GCFC2: variants seen among roughly 807,000 people sequenced by gnomAD.
GCFC2 encodes the protein GC-rich sequence DNA-binding factor 2.
In GCFC2, 102 loss-of-function variants were observed where a neutral mutation model predicts 99.4. That is an observed-to-expected ratio of 1.03 (90% CI 0.87 to 1.21). The LOEUF is 1.21. Among genes scored for constraint, GCFC2 ranks in the 50% most tolerant of loss-of-function variants. GCFC2 has a pLI of 0.00. For missense variants in GCFC2, 973 were observed against 920.9 expected, an observed-to-expected ratio of 1.06 and a Z score of -0.73; for synonymous variants, 338 against 316.8, an observed-to-expected ratio of 1.07 and a Z score of -0.71.
At chr2:75,692,197 G>A (rs1464730791) in intron 6 of GCFC2, 97 bp from the exon 7 acceptor site, 3 of 333,710 alleles carry the variant, frequency 9.0e-6, no homozygotes, top group Admixed American at 4.9e-5. Flanking sequence ...AGATACATAA[G>A]CATATTTATA....
In GCFC2 at chr2:75,678,018, G is replaced by A. The variant is rs116101191; in HGVS notation, c.1812+2175C>T. Among the ~76,000 whole-genome samples, 583 of 151,412 alleles carry A rather than the reference G, an allele frequency of 3.9e-3. 6 individuals are homozygous for A. The highest frequency in any genetic ancestry group is 0.029 in the South Asian group (137 of 4,772). Reference sequence around the variant, plus strand: ...ACTTCATGAGTGAATCCATAATACTGCTGAAGGGCTTCAGTGATCACAAAG... The same window carrying A: ...ACTTCATGAGTGAATCCATAATACTACTGAAGGGCTTCAGTGATCACAAAG... On this transcript the variant is annotated intron_variant, in intron 12 of 16. Transcript: ENST00000321027.
intron 12 of GCFC2, among the ~76,000 whole-genome samples, chr2:75,674,787 T>C (rs969389347): frequency 6.6e-6 from 1 of 152,348 alleles, no homozygotes; most frequent in East Asian, 1.9e-4. Flanking sequence ...TTAAAAAGCA[T>C]GACCTGAAGT....
intron 10 of GCFC2, 96 bp downstream of exon 10, chr2:75,688,930 C>T (rs1443589009): frequency 4.3e-6 from 3 of 690,496 alleles, no homozygotes; most frequent in Non-Finnish European, 7.5e-6. Context: ...TCAGCTCCGA[C>T]TCTAAGGGTA....
At chr2:75,667,295 A>G (rs1183621079) in intron 15 of GCFC2, among the ~76,000 whole-genome samples, 2 of 152,180 alleles carry the variant, frequency 1.3e-5, no homozygotes, top group Non-Finnish European at 2.9e-5. Flanking sequence ...GCCTGTCACA[A>G]TATCACACTA....
intron 11 of GCFC2, among the ~76,000 whole-genome samples, chr2:75,683,771 C>CAAAAAAAAAAAAAAAA (rs749580096): frequency 8.0e-3 from 481 of 59,960 alleles, no homozygotes; most frequent in East Asian, 0.013. Flanking sequence ...AAATGGAAAG[C>CAAAAAAAAAAAAAAAA]AAAAAAAAAA....
chr2:75,686,114 T>G (rs1573063346), intron 11 of GCFC2, among the ~76,000 whole-genome samples: 1 of 152,204 alleles, frequency 6.6e-6, no homozygotes, highest in East Asian at 1.9e-4. Context: ...CATTAGTATT[T>G]AGATTTTTTC....
intron 2 of GCFC2, among the ~76,000 whole-genome samples, chr2:75,705,530 T>G (rs1407327070): frequency 8.7e-6 from 1 of 114,668 alleles, no homozygotes; most frequent in Non-Finnish European, 2.0e-5. Flanking sequence ...GGCAGGAGAA[T>G]GACGTGAACC....
intron 2 of GCFC2, among the ~76,000 whole-genome samples, chr2:75,706,184 T>C (rs547735492): frequency 2.0e-5 from 3 of 152,348 alleles, no homozygotes; most frequent in East Asian, 3.9e-4. Context: ...ATACCTTCCC[T>C]AGAGTTTCAG....
chr2:75,711,957 C>T (rs958511335), upstream of GCFC2, among the ~76,000 whole-genome samples: 6 of 152,254 alleles, frequency 3.9e-5, no homozygotes, highest in African/African-American at 1.4e-4. Context: ...CTGAGGAGTA[C>T]GAGCGCACGG....
At chr2:75,672,083 T>A in intron 13 of GCFC2, 67 bp from the exon 14 acceptor site, 1 of 785,830 alleles carries the variant, frequency 1.3e-6, no homozygotes, top group Admixed American at 1.9e-5. Flanking sequence ...AACCAGAGTT[T>A]AAGATCAGAC....
Position 75,663,066 on chromosome 2 carries a change from A to G in GCFC2, c.*1600T>C, listed in dbSNP as rs539101576. On this transcript the variant is annotated 3_prime_UTR_variant, in exon 17 of 17. Transcript: ENST00000321027. The stretch of plus-strand genomic sequence containing the variant: ...TAACTGCTTTTCAACAATAGTTTGC[A>G]TTTTCTAGATGAGATTCTATCCTTG... The G allele has an allele frequency of 3.2e-4, 48 of 152,306 alleles. No homozygotes were observed. Among genetic ancestry groups the G allele is most frequent in the Middle Eastern group, 3.4e-3 (1 of 294 alleles). The allele number at this position is 152,306 out of a possible 1,614,324, so 9.4% of individuals were successfully genotyped here. A position where few individuals can be genotyped will look rare whatever the true frequency, so the allele number is the denominator to read the frequency against.
At chr2:75,676,714 T>C (rs906787754) in intron 12 of GCFC2, among the ~76,000 whole-genome samples, 3 of 152,238 alleles carry the variant, frequency 2.0e-5, no homozygotes, top group African/African-American at 7.2e-5. Context: ...GTCTTACTTA[T>C]GCTGCTTCAA....
chr2:75,674,048 T>C lies in GCFC2; in HGVS notation c.1813-528A>G, dbSNP rs1271497623. Reference sequence around the variant, plus strand: ...TTAATGTTTGCAATTATAGTGGGTATGCAGTCATATTTCATTTTGTTGTTT... The same window carrying C: ...TTAATGTTTGCAATTATAGTGGGTACGCAGTCATATTTCATTTTGTTGTTT... On this transcript the variant is annotated intron_variant, in intron 12 of 16. Coordinates refer to ENST00000321027, the MANE Select transcript of GCFC2 (RefSeq NM_003203.5). Among the ~76,000 whole-genome samples, 5 of 152,220 alleles carry C rather than the reference T, an allele frequency of 3.3e-5. No homozygotes were observed. The East Asian group carries it at 7.7e-4, about 23-fold the overall frequency.
At position 75,694,433 on chromosome 2, in the gene GCFC2, TAAATA is replaced by T. The variant is rs778217317; in HGVS notation, c.834-11_834-7del. On this transcript the variant is annotated splice_polypyrimidine_tract_variant and splice_region_variant and intron_variant, in intron 5 of 16. Coordinates refer to ENST00000321027, the MANE Select transcript of GCFC2 (RefSeq NM_003203.5). ...TTTCCTGTAGTAATGTTAATCTAAA[TAAATA>T]AAATAAAAATTAGTTTATTTTTCAT... The T allele has an allele frequency of 8.3e-7, 1 of 1,207,328 alleles. No homozygotes were observed. Among genetic ancestry groups the T allele is most frequent in the South Asian group, 2.1e-5 (1 of 47,392 alleles). 74.8% of individuals were successfully genotyped at this position (1,207,328 alleles called of 1,614,324 possible). A position where few individuals can be genotyped will look rare whatever the true frequency, so the allele number is the denominator to read the frequency against.
At chr2:75,701,129 T>C (rs1248555424) in intron 4 of GCFC2, 61 bp downstream of exon 4, 1 of 908,958 alleles carries the variant, frequency 1.1e-6, no homozygotes, top group African/African-American at 1.6e-5. Context: ...GTCACCAAGT[T>C]TGTGGTAATT....
intron 3 of GCFC2, 111 bp downstream of exon 3, chr2:75,702,088 A>G: frequency 2.0e-6 from 3 of 1,485,816 alleles, no homozygotes; most frequent in Non-Finnish European, 2.7e-6. Flanking sequence ...GTTAAAAACC[A>G]TTATCAACAC....
At chr2:75,687,612 G>A (rs182274288) in intron 11 of GCFC2, among the ~76,000 whole-genome samples, 8 of 152,242 alleles carry the variant, frequency 5.3e-5, no homozygotes. Flanking sequence ...GAGGATTAGT[G>A]ATCAATCTGA....
intron 10 of GCFC2, 69 bp from the exon 11 acceptor site, chr2:75,688,046 T>A (rs908669460): frequency 4.2e-5 from 40 of 941,214 alleles, no homozygotes; most frequent in Non-Finnish European, 6.0e-5. Context: ...ATAGTTATTA[T>A]TTTTTTCAAT....
chr2:75,702,851 CAAGT>C (rs1190246002), intron 2 of GCFC2, among the ~76,000 whole-genome samples: 4 of 152,094 alleles, frequency 2.6e-5, no homozygotes, highest in Non-Finnish European at 2.9e-5. Flanking sequence ...CCTGACTTAC[CAAGT>C]AAGAGAGATA....
Sources: allele counts gnomAD v4.1 joint callset (sites outside exome capture counted in the v4.1 genomes callset), GRCh38; gene constraint gnomAD v4.1.1; transcripts MANE v1.5; gene names NCBI Gene and HGNC (gene_info 2026-07-23, HGNC 2026-07-21).